Variants in BCL11B observed in about 807,000 individuals in gnomAD.
The protein encoded by BCL11B is B-cell lymphoma/leukemia 11B.
BCL11B carries 8 observed loss-of-function variants against 49.9 expected under a neutral mutation model. That is an observed-to-expected ratio of 0.16 (90% confidence interval 0.09 to 0.29). BCL11B has a LOEUF of 0.29. BCL11B is among the 10% of genes least tolerant of loss of function. The pLI, the probability that BCL11B is intolerant of heterozygous loss-of-function variation, is 1.00. For missense variants in BCL11B, 1,006 were observed against 1,351.0 expected (o/e 0.74, Z 4.00); for synonymous variants, 739 against 637.4 (o/e 1.16, Z -2.40).
In BCL11B at chr14:99,232,972, A is replaced by G. The variant is rs548124286; in HGVS notation, c.428-1415T>C. ...ACTGCTCGGAACCCCCTGAACCAACAAAGACCTCATACTAGGTGAGGCCTC... is the reference window on the plus strand; with the variant it reads ...ACTGCTCGGAACCCCCTGAACCAACGAAGACCTCATACTAGGTGAGGCCTC... On this transcript the variant is annotated intron_variant, in intron 2 of 3. Transcript: ENST00000357195. This position sits in a 1 kb window ranked among gnomAD's most constrained non-coding sequence, Gnocchi z 5.1. Among the ~76,000 whole-genome samples, 10 of 152,246 alleles carry G rather than the reference A, an allele frequency of 6.6e-5. No homozygotes were observed. The East Asian group carries it at 1.9e-3, about 29-fold the overall frequency.
chr14:99,238,151 A>G (rs1159316804), intron 2 of BCL11B, among the ~76,000 whole-genome samples: 1 of 152,000 alleles, frequency 6.6e-6, no homozygotes, highest in Non-Finnish European at 1.5e-5. Context: ...GAGCACCCTG[A>G]GCCAGGCTGC....
intron 2 of BCL11B, among the ~76,000 whole-genome samples, chr14:99,245,510 T>G (rs1024984672): frequency 6.6e-6 from 1 of 152,194 alleles, no homozygotes; most frequent in African/African-American, 2.4e-5. Context: ...TCCCGGAGGC[T>G]CCTTCCGTCC....
chr14:99,244,490 C>A (rs891505798), intron 2 of BCL11B, among the ~76,000 whole-genome samples: 8 of 152,154 alleles, frequency 5.3e-5, no homozygotes, highest in Non-Finnish European at 1.0e-4. Flanking sequence ...CGTTTTGGAC[C>A]ATTATGAGTG....
intron 3 of BCL11B, among the ~76,000 whole-genome samples, chr14:99,224,137 G>A (rs1220584307): frequency 6.6e-6 from 1 of 152,192 alleles, no homozygotes; most frequent in Non-Finnish European, 1.5e-5. Flanking sequence ...CCATATCAGA[G>A]TTTGATTTGG....
intron 2 of BCL11B, among the ~76,000 whole-genome samples, chr14:99,253,812 C>T (rs900215663): frequency 6.6e-6 from 1 of 152,198 alleles, no homozygotes; most frequent in Non-Finnish European, 1.5e-5. Context: ...CCCACAGAGG[C>T]AGGGAGAATG....
intron 3 of BCL11B, among the ~76,000 whole-genome samples, chr14:99,219,892 A>T (rs1887959065): frequency 1.3e-5 from 2 of 151,928 alleles, no homozygotes; most frequent in Admixed American, 1.3e-4. Flanking sequence ...GGGATTCAAG[A>T]CCCTCAACTA....
intron 3 of BCL11B, among the ~76,000 whole-genome samples, chr14:99,198,830 A>G (rs941315739): frequency 1.3e-5 from 2 of 152,006 alleles, no homozygotes; most frequent in Non-Finnish European, 2.9e-5. Flanking sequence ...CACTTAATCA[A>G]TGGTTTTAGA....
intron 3 of BCL11B, among the ~76,000 whole-genome samples, chr14:99,198,019 G>A (rs1887228011): frequency 6.6e-6 from 1 of 152,240 alleles, no homozygotes; most frequent in Non-Finnish European, 1.5e-5. Flanking sequence ...CGTGGGCTTA[G>A]TGTGTATCCC....
chr14:99,224,617 G>A (rs544962748), intron 3 of BCL11B, among the ~76,000 whole-genome samples: 1 of 152,262 alleles, frequency 6.6e-6, no homozygotes, highest in East Asian at 1.9e-4. Context: ...CTTCCCACCG[G>A]CCTTTTCCCT....
intron 1 of BCL11B, among the ~76,000 whole-genome samples, chr14:99,266,966 G>GT (rs1226932352): frequency 6.6e-6 from 1 of 152,158 alleles, no homozygotes; most frequent in Non-Finnish European, 1.5e-5. Context: ...CTAGAAACTG[G>GT]TATCTGTAAA....
chr14:99,217,522 A>G (rs920047037), intron 3 of BCL11B, among the ~76,000 whole-genome samples: 1 of 152,194 alleles, frequency 6.6e-6, no homozygotes, highest in Admixed American at 6.5e-5. Context: ...CAAATGAAAA[A>G]GCCGTGGAAT....
rs185536070 is a variant in BCL11B at position 99,252,685 on chromosome 14, C to T, written c.427+4786G>A. On this transcript the variant is annotated intron_variant, in intron 2 of 3. Coordinates refer to ENST00000357195, the MANE Select transcript of BCL11B (RefSeq NM_138576.4). ...CAAGCCCAGAGGGATCTGCCACCTC[C>T]TGTCACCTGCTGCCTGTCTCCGCAC... Among the ~76,000 whole-genome samples the T allele has an allele frequency of 3.3e-5, 5 of 152,376 alleles. No individual in the cohort carries two copies. The East Asian group carries it at 9.7e-4, about 29-fold the overall frequency.
At chr14:99,221,768 G>A (rs1888016160) in intron 3 of BCL11B, among the ~76,000 whole-genome samples, 1 of 152,258 alleles carries the variant, frequency 6.6e-6, no homozygotes, top group Non-Finnish European at 1.5e-5. Flanking sequence ...GAAGCTGCCT[G>A]GAAAGCCCAA....
Position 99,231,795 on chromosome 14 carries a change from T to C in BCL11B, c.428-238A>G, listed in dbSNP as rs1337038897. ...GGTTTCCACAGCTGCCAGGCTGGGCTGTCGGGGAGGCAGGACCCCGCCTCT... is the reference window on the plus strand; with the variant it reads ...GGTTTCCACAGCTGCCAGGCTGGGCCGTCGGGGAGGCAGGACCCCGCCTCT... On this transcript the variant is annotated intron_variant, in intron 2 of 3. Coordinates refer to ENST00000357195, the MANE Select transcript of BCL11B (RefSeq NM_138576.4). The surrounding 1 kb of genome is among the most constrained non-coding windows in gnomAD (Gnocchi z 8.1). Among the ~76,000 whole-genome samples the C allele has an allele frequency of 1.3e-5, 2 of 151,050 alleles. No homozygotes were observed. The highest frequency in any genetic ancestry group is 4.9e-5 in the African/African-American group (2 of 40,998).
chr14:99,261,990 C>A (rs1889350419), intron 1 of BCL11B, among the ~76,000 whole-genome samples: 1 of 152,222 alleles, frequency 6.6e-6, no homozygotes. Context: ...GAAGCAATCA[C>A]AAATAATAAT....
chr14:99,217,084 C>T (rs60007515), intron 3 of BCL11B, among the ~76,000 whole-genome samples: 2,603 of 152,088 alleles, frequency 0.017, 83 homozygotes, highest in African/African-American at 0.061. Context: ...ACATGCACAC[C>T]CCCACATTCA....
chr14:99,179,473 TAAAAAAAAAAA>T (rs35703913), intron 3 of BCL11B, among the ~76,000 whole-genome samples: 27 of 54,570 alleles, frequency 4.9e-4, no homozygotes, highest in Admixed American at 1.3e-3. Context: ...GAATCCATCT[TAAAAAAAAAAA>T]AAAAAAAAAA....
chr14:99,198,754 G>C (rs1250142421), intron 3 of BCL11B, among the ~76,000 whole-genome samples: 6 of 152,072 alleles, frequency 3.9e-5, no homozygotes, highest in Non-Finnish European at 7.4e-5. Context: ...GCCCCATCTG[G>C]GCTAATCCTA....
chr14:99,189,602 C>T (rs1333344060), intron 3 of BCL11B, among the ~76,000 whole-genome samples: 2 of 152,230 alleles, frequency 1.3e-5, no homozygotes, highest in African/African-American at 4.8e-5. Context: ...ACTGGGTCAG[C>T]AGCTGGATCC....
Sources: allele counts gnomAD v4.1 joint callset (sites outside exome capture counted in the v4.1 genomes callset), GRCh38; gene constraint gnomAD v4.1.1; non-coding constraint Gnocchi (gnomAD v3.1); transcripts MANE v1.5; gene names NCBI Gene and HGNC (gene_info 2026-07-23, HGNC 2026-07-21).